The following SSUH2 variants were observed in gnomAD, a reference collection of about 807,000 sequenced individuals.
SSUH2 encodes ssu-2 homolog, also known as protein SSUH2 homolog.
In SSUH2, 47 loss-of-function variants were observed where a neutral mutation model predicts 55.3. The ratio of observed to expected loss-of-function variants is 0.85; its 90% CI spans 0.67 to 1.08. The LOEUF (loss-of-function observed/expected upper bound fraction) is 1.08, where lower values mean the gene tolerates loss of function less well. Ranked by LOEUF, SSUH2 falls within the 50% of genes least tolerant of loss-of-function variation. The pLI, the probability that SSUH2 is intolerant of heterozygous loss-of-function variation, is 0.00. For synonymous variants in SSUH2, 212 were observed against 191.5 expected (o/e 1.11, Z -0.89); for missense variants, 535 against 490.7 (o/e 1.09, Z -0.85).
intron 7 of SSUH2, among the ~76,000 whole-genome samples, chr3:8,658,254 T>C (rs755893046): frequency 1.1e-4 from 17 of 152,368 alleles, no homozygotes; most frequent in Middle Eastern, 3.4e-3. Flanking sequence ...GGCATTGCTA[T>C]GAGTAGAATT....
At chr3:8,625,048 A>G (rs1052070044) in intron 10 of SSUH2, among the ~76,000 whole-genome samples, 1 of 152,024 alleles carries the variant, frequency 6.6e-6, no homozygotes, top group African/African-American at 2.4e-5. Flanking sequence ...AATGTTTCTC[A>G]GTGCCCCTTC....
upstream of SSUH2, among the ~76,000 whole-genome samples, chr3:8,647,584 G>A (rs1294766178): frequency 2.4e-4 from 36 of 152,182 alleles, no homozygotes; most frequent in Non-Finnish European, 2.9e-5. Flanking sequence ...ACAGTGCCTG[G>A]TCTGGTTATT....
intron 2 of SSUH2, among the ~76,000 whole-genome samples, chr3:8,679,335 CGCCCCTTGCTCTTCCGA>C (rs1705778552): frequency 1.3e-5 from 1 of 79,844 alleles, no homozygotes; most frequent in Non-Finnish European, 3.0e-5. Context: ...CCCCTCTTCC[CGCCCCTTGCTCTTCCGA>C]CCCCCATCGC....
chr3:8,681,642 C>T (rs1419078080), intron 1 of SSUH2, among the ~76,000 whole-genome samples: 3 of 150,538 alleles, frequency 2.0e-5, no homozygotes, highest in African/African-American at 4.9e-5. Context: ...GAGGGTGAGG[C>T]ACCCCCCGTG....
At chr3:8,671,542 GACC>G (rs1352612129) in intron 4 of SSUH2, among the ~76,000 whole-genome samples, 3 of 151,600 alleles carry the variant, frequency 2.0e-5, no homozygotes, top group African/African-American at 7.3e-5. Context: ...AGGAGAATAA[GACC>G]ACAAGGTGTA....
intron 2 of SSUH2, among the ~76,000 whole-genome samples, chr3:8,679,496 C>A (rs1301847774): frequency 2.7e-5 from 4 of 150,878 alleles, no homozygotes; most frequent in African/African-American, 7.3e-5. Context: ...CCCCTATTCC[C>A]CCCCTGGCTT....
At chr3:8,641,991 A>T (rs1700931031) in intron 1 of SSUH2, among the ~76,000 whole-genome samples, 1 of 152,128 alleles carries the variant, frequency 6.6e-6, no homozygotes, top group Non-Finnish European at 1.5e-5. Context: ...CTCACTCGTG[A>T]TCTCAATCCT....
At chr3:8,634,840 G>A (rs911447023) in intron 3 of SSUH2, among the ~76,000 whole-genome samples, 5 of 152,176 alleles carry the variant, frequency 3.3e-5, no homozygotes, top group Non-Finnish European at 5.9e-5. Context: ...TCAAAACAAG[G>A]TGGATATGGG....
intron 7 of SSUH2, chr3:8,629,421 T>A (rs957706539): frequency 3.6e-6 from 2 of 556,728 alleles, no homozygotes; most frequent in Admixed American, 6.4e-5. Flanking sequence ...TGTTGGTAGA[T>A]GGATGAGAAA....
At chr3:8,625,054 C>T (rs1697239099) in intron 10 of SSUH2, among the ~76,000 whole-genome samples, 2 of 152,088 alleles carry the variant, frequency 1.3e-5, no homozygotes, top group Admixed American at 6.6e-5. Context: ...TCTCAGTGCC[C>T]CTTCACCATC....
chr3:8,642,927 T>G (rs1416343442), intron 1 of SSUH2, among the ~76,000 whole-genome samples: 2 of 152,172 alleles, frequency 1.3e-5, no homozygotes, highest in East Asian at 3.8e-4. Context: ...GAACCCCAAG[T>G]GCTCACCTGA....
intron 4 of SSUH2, 113 bp from the exon 5 acceptor site, chr3:8,632,222 C>G: frequency 1.2e-6 from 1 of 806,232 alleles, no homozygotes; most frequent in Non-Finnish European, 2.1e-6. Flanking sequence ...CTGAGAGGTC[C>G]ATGCACAACA....
At chr3:8,651,319 A>G (rs2125320568) in intron 7 of SSUH2, among the ~76,000 whole-genome samples, 1 of 152,300 alleles carries the variant, frequency 6.6e-6, no homozygotes, top group East Asian at 1.9e-4. Flanking sequence ...CAAGTGAGGG[A>G]AGCCATCATT....
At chr3:8,676,911 T>C (rs1364566738) in intron 3 of SSUH2, among the ~76,000 whole-genome samples, 1 of 139,396 alleles carries the variant, frequency 7.2e-6, no homozygotes, top group African/African-American at 2.7e-5. Flanking sequence ...CCAGCCCCTC[T>C]TTCCCCCCTG....
intron 3 of SSUH2, chr3:8,634,303 G>A (rs1004362738): frequency 9.5e-7 from 1 of 1,047,250 alleles, no homozygotes; most frequent in Non-Finnish European, 1.3e-6. Context: ...GACCGTGGGT[G>A]GGACGACAGA....
chr3:8,679,180 CA>C (rs149379928), intron 2 of SSUH2, among the ~76,000 whole-genome samples: 88,510 of 89,956 alleles, frequency 0.98, 43,705 homozygotes, highest in South Asian at 0.99. Flanking sequence ...GCTGTTCCCC[CA>C]CACTGGCTCT....
rs1196661603 is a variant in SSUH2 at position 8,619,912 on chromosome 3, C to A, written c.1084G>T (p.Val362Leu). 1 of 1,614,170 alleles carries A rather than the reference C, an allele frequency of 6.2e-7. No individual in the cohort carries two copies. Among genetic ancestry groups the A allele is most frequent in the South Asian group, 1.1e-5 (1 of 91,082 alleles). The change falls in exon 12 of 12, where the codon GTG becomes TTG. Residue 362 changes from valine (V) to leucine (L), a missense_variant. By Grantham distance (32) the Val-to-Leu change is conservative. Transcript: ENST00000544814. ...CAGCAATACCGCTCAGGATAGTCCA[C>A]CGCATACACCTGGTGGTCAGTGCCA... ...IYGTDHQVYA[V>L]DYPERYCCGC...
chr3:8,622,398 T>C (rs1031695870), intron 11 of SSUH2, among the ~76,000 whole-genome samples: 17 of 152,156 alleles, frequency 1.1e-4, no homozygotes, highest in Admixed American at 7.2e-4. Context: ...ACCAACAAAC[T>C]GTGTGACTTA....
intron 11 of SSUH2, among the ~76,000 whole-genome samples, chr3:8,622,734 A>G (rs1318411118): frequency 1.3e-5 from 2 of 152,164 alleles, no homozygotes; most frequent in Non-Finnish European, 2.9e-5. Context: ...ACAGAGACAG[A>G]GAAGGGGAAA....
Sources: allele counts gnomAD v4.1 joint callset (sites outside exome capture counted in the v4.1 genomes callset), GRCh38; gene constraint gnomAD v4.1.1; transcripts MANE v1.5; gene names NCBI Gene and HGNC (gene_info 2026-07-23, HGNC 2026-07-21).